SCARA5: variants seen among roughly 807,000 people sequenced by gnomAD.
SCARA5 encodes scavenger receptor class A member 5.
A neutral mutation model predicts 46.3 loss-of-function variants in SCARA5; 45 were observed. The observed-to-expected ratio is 0.97, with a 90% CI of 0.76 to 1.24. The LOEUF (loss-of-function observed/expected upper bound fraction) is 1.24. Ranked by LOEUF, SCARA5 falls within the 50% of genes most tolerant of loss-of-function variation. SCARA5 has a pLI of 0.00. For missense variants in SCARA5, 680 were observed against 689.0 expected, an observed-to-expected ratio of 0.99 and a Z score of 0.15; for synonymous variants, 333 against 306.5, an observed-to-expected ratio of 1.09 and a Z score of -0.90.
intron 4 of SCARA5, among the ~76,000 whole-genome samples, chr8:27,919,126 AAAG>A (rs796857384): frequency 1.3e-4 from 14 of 106,706 alleles, no homozygotes; most frequent in African/African-American, 4.8e-4. Context: ...AGAAGGAAGA[AAAG>A]GAGGAGAAGG....
At chr8:27,990,482 G>T (rs953317765) in intron 1 of SCARA5, among the ~76,000 whole-genome samples, 1 of 152,048 alleles carries the variant, frequency 6.6e-6, no homozygotes, top group African/African-American at 2.4e-5. Context: ...TTGGGGGTAG[G>T]CTGATGGCAT....
At chr8:27,876,947 C>T (rs7827647) in intron 8 of SCARA5, among the ~76,000 whole-genome samples, 35,109 of 152,020 alleles carry the variant, frequency 0.23, 4,608 homozygotes, top group Middle Eastern at 0.39. Context: ...CTCTGCCTGC[C>T]GCCAGGAATG....
intron 3 of SCARA5, among the ~76,000 whole-genome samples, chr8:27,952,834 C>T (rs1239865246): frequency 1.3e-5 from 2 of 152,120 alleles, no homozygotes; most frequent in East Asian, 3.9e-4. Flanking sequence ...CTTTTCTAGT[C>T]GTAACACATA....
chr8:27,973,489 T>A (rs10089642), intron 2 of SCARA5, among the ~76,000 whole-genome samples: 3,295 of 152,082 alleles, frequency 0.022, 64 homozygotes, highest in African/African-American at 0.039. Context: ...ATAAATAAAT[T>A]AATTAATTAA....
rs145937768 is a variant in SCARA5, at chr8:27,973,426, G to A, written c.113-6884C>T. On this transcript the variant is annotated intron_variant, in intron 2 of 8. Coordinates refer to ENST00000354914, the MANE Select transcript of SCARA5 (RefSeq NM_173833.6). The stretch of plus-strand genomic sequence containing the variant: ...CAGGGGGCGGAGATTGCAGTGAGCC[G>A]AGATCGCGCCACTACACTCCAGCCT... 2.3e-3 allele frequency among the ~76,000 whole-genome samples: 354 copies of A among 152,192 alleles called. 2 individuals carry two copies. Among genetic ancestry groups the A allele is most frequent in the African/African-American group, 7.9e-3 (328 of 41,514 alleles).
chr8:27,908,204 A>T (rs1807300959), intron 5 of SCARA5, among the ~76,000 whole-genome samples: 1 of 152,214 alleles, frequency 6.6e-6, no homozygotes, highest in African/African-American at 2.4e-5. Context: ...GAAAAAAAAC[A>T]CAAAAAGATC....
intron 3 of SCARA5, among the ~76,000 whole-genome samples, chr8:27,963,028 C>A (rs565198592): frequency 9.2e-5 from 14 of 152,324 alleles, no homozygotes; most frequent in Non-Finnish European, 1.9e-4. Context: ...TACATTGCTG[C>A]GATGCTGCAG....
chr8:27,947,297 C>T (rs536497633), intron 3 of SCARA5, among the ~76,000 whole-genome samples: 9 of 152,240 alleles, frequency 5.9e-5, no homozygotes, highest in African/African-American at 1.9e-4. Flanking sequence ...CAGGCATGAG[C>T]GACTGCACCC....
chr8:27,910,635 T>C (rs889890700), intron 4 of SCARA5, among the ~76,000 whole-genome samples: 2 of 152,088 alleles, frequency 1.3e-5, no homozygotes, highest in African/African-American at 4.8e-5. Flanking sequence ...AGGCAGAGCC[T>C]TCAGTCCAGC....
chr8:27,969,439 T>A (rs370808070), intron 2 of SCARA5, among the ~76,000 whole-genome samples: 1 of 152,176 alleles, frequency 6.6e-6, no homozygotes, highest in Non-Finnish European at 1.5e-5. Context: ...CTATGTGATA[T>A]TCTGGGAAAA....
At chr8:27,965,233 C>T (rs969878268) in intron 3 of SCARA5, among the ~76,000 whole-genome samples, 10 of 152,230 alleles carry the variant, frequency 6.6e-5, no homozygotes, top group African/African-American at 2.2e-4. Flanking sequence ...TCCCGCTTGA[C>T]GGAAAGTGAA....
At chr8:27,895,899 G>A (rs901889691) in intron 7 of SCARA5, among the ~76,000 whole-genome samples, 1 of 152,134 alleles carries the variant, frequency 6.6e-6, no homozygotes, top group African/African-American at 2.4e-5. Flanking sequence ...CTGGCTACCC[G>A]GTGTTCAATA....
At chr8:27,899,516 C>T (rs1563516953) in intron 7 of SCARA5, among the ~76,000 whole-genome samples, 1 of 152,202 alleles carries the variant, frequency 6.6e-6, no homozygotes, top group African/African-American at 2.4e-5. Context: ...GGAACGTGGC[C>T]TTTCCCGAGA....
chr8:27,970,584 G>A (rs929754972), intron 2 of SCARA5, among the ~76,000 whole-genome samples: 2 of 152,216 alleles, frequency 1.3e-5, no homozygotes, highest in Non-Finnish European at 2.9e-5. Flanking sequence ...CTGCCTCTGA[G>A]CTCCTGTTCT....
chr8:27,979,725 AT>A (rs961847220), intron 2 of SCARA5, among the ~76,000 whole-genome samples: 8 of 151,702 alleles, frequency 5.3e-5, no homozygotes, highest in East Asian at 1.9e-4. Flanking sequence ...CGCCTGGCTA[AT>A]TTTTTTTGTA....
At position 27,889,072 on chromosome 8, in the gene SCARA5, C is replaced by T. The variant is rs116158092; in HGVS notation, c.1154-9306G>A. Among the ~76,000 whole-genome samples the T allele has an allele frequency of 2.7e-3, 381 of 139,558 alleles. 5 individuals are homozygous for T. The highest frequency in any genetic ancestry group is 9.4e-3 in the African/African-American group (355 of 37,934). The allele number at this position is 139,558 out of a possible 152,430, so 91.6% of individuals were successfully genotyped here. A position where few individuals can be genotyped will look rare whatever the true frequency, so the allele number is the denominator to read the frequency against. ...AGCCTGCCCTTCACCCAGGCCCCAC[C>T]GGGACCAACCCCATGGTCCTCAGCC... is the stretch of plus-strand genomic sequence containing the variant. On this transcript the variant is annotated intron_variant, in intron 7 of 8. Coordinates refer to ENST00000354914, the MANE Select transcript of SCARA5 (RefSeq NM_173833.6).
At chr8:27,950,976 T>C (rs2685415) in intron 3 of SCARA5, among the ~76,000 whole-genome samples, 148,567 of 152,190 alleles carry the variant, frequency 0.98, 72,549 homozygotes, top group East Asian at 1. Context: ...TCACCCCTTC[T>C]CAAGAGGAAT....
chr8:27,945,663 A>G lies in SCARA5; in HGVS notation c.241+20751T>C, dbSNP rs531078411. On this transcript the variant is annotated intron_variant, in intron 3 of 8. Transcript: ENST00000354914. ...AATCATAGCCTTCTGGAAGATAAGAACCAGGTCTTATACTTCCTTGGTCCC... is the reference window on the plus strand; with the variant it reads ...AATCATAGCCTTCTGGAAGATAAGAGCCAGGTCTTATACTTCCTTGGTCCC... Among the ~76,000 whole-genome samples the G allele has an allele frequency of 3.9e-5, 6 of 152,356 alleles. No individual in the cohort carries two copies. In the South Asian group the frequency reaches 1.2e-3, roughly 32 times the overall value.
At chr8:27,891,577 G>GA (rs1806984905) in intron 7 of SCARA5, among the ~76,000 whole-genome samples, 1 of 152,202 alleles carries the variant, frequency 6.6e-6, no homozygotes, top group African/African-American at 2.4e-5. Flanking sequence ...GCCTGCCTGA[G>GA]AAAATGCAAG....
Sources: allele counts gnomAD v4.1 joint callset (sites outside exome capture counted in the v4.1 genomes callset), GRCh38; gene constraint gnomAD v4.1.1; transcripts MANE v1.5; gene names NCBI Gene and HGNC (gene_info 2026-07-23, HGNC 2026-07-21).